The following KLC3 variants were observed in gnomAD, a reference collection of about 807,000 sequenced individuals.
KLC3 encodes the protein kinesin light chain 2.
Under a neutral mutation model 62.9 loss-of-function variants are expected in KLC3, and 72 were observed. That is an observed-to-expected ratio of 1.15 (90% CI 0.95 to 1.39). The LOEUF is 1.39. KLC3 is among the 40% of genes most tolerant of loss of function. The pLI is 0.00. For synonymous variants in KLC3, 377 were observed against 300.5 expected, an observed-to-expected ratio of 1.25 and a Z score of -2.63; for missense variants, 848 against 691.6, an observed-to-expected ratio of 1.23 and a Z score of -2.54.
At chr19:45,346,070 G>A (rs563944154) in intron 2 of KLC3, among the ~76,000 whole-genome samples, 2 of 152,328 alleles carry the variant, frequency 1.3e-5, no homozygotes, top group South Asian at 2.1e-4. Context: ...GCTGAGGCAT[G>A]AGAATCGCTT....
chr19:45,341,586 C>CGCGT (rs1555772523), intron 1 of KLC3, among the ~76,000 whole-genome samples: 1 of 114,528 alleles, frequency 8.7e-6, no homozygotes, highest in Non-Finnish European at 1.9e-5. Context: ...TGTGCGCGCG[C>CGCGT]GCGTGTGGTG....
intron 1 of KLC3, among the ~76,000 whole-genome samples, chr19:45,344,125 C>A (rs976883333): frequency 9.9e-5 from 15 of 151,006 alleles, no homozygotes; most frequent in African/African-American, 3.7e-4. Flanking sequence ...AGCCACCGCA[C>A]CCGGCCTACA....
chr19:45,350,768 C>T (rs755845095), intron 11 of KLC3, 21 bp downstream of exon 11: 3 of 1,594,170 alleles, frequency 1.9e-6, no homozygotes, highest in East Asian at 4.5e-5. Flanking sequence ...ATCAGGTCGG[C>T]AAAGAGCCCT....
At position 45,350,745 on chromosome 19, in the gene KLC3, C is replaced by T. The variant is rs200512408; in HGVS notation, c.1377C>T (p.Ala459=). The T allele has an allele frequency of 4.3e-5, 69 of 1,609,618 alleles. No homozygotes were observed. The highest frequency in any genetic ancestry group is 3.5e-4 in the Admixed American group (21 of 59,192). ...RLRGEAAAGA[A]GMKRAMSLNT... is the part of the protein sequence containing the mutation. ...GAGGCGAGGCGGCGGCAGGAGCAGC[C>T]GGGTGAGTGTTGATCAGGTCGGCAA... Residue 459 remains alanine, a splice_region_variant and synonymous_variant, in exon 11 of 13, where the codon GCC becomes GCT. Coordinates refer to ENST00000391946, the MANE Select transcript of KLC3 (RefSeq NM_177417.3).
Position 45,350,991 on chromosome 19 carries a change from G to T in KLC3, c.1417G>T (p.Asp473Tyr), listed in dbSNP as rs1391316277. 5 of 1,614,166 alleles carry T rather than the reference G, an allele frequency of 3.1e-6. No individual in the cohort carries two copies. Among genetic ancestry groups the T allele is most frequent in the Non-Finnish European group, 3.4e-6 (4 of 1,180,028 alleles). ...CATGTCACTCAACACACTGAACGTGGATGCTCCAAGGGCTCCTGGGACTCA... is the reference window on the plus strand; with the variant it reads ...CATGTCACTCAACACACTGAACGTGTATGCTCCAAGGGCTCCTGGGACTCA... Reference protein sequence around the residue: ...RAMSLNTLNVDAPRAPGTQFP... With the variant: ...RAMSLNTLNVYAPRAPGTQFP... Residue 473 changes from aspartate (D) to tyrosine (Y), a missense_variant, in exon 12 of 13, where the codon GAT becomes TAT. Transcript: ENST00000391946.
chr19:45,342,195 G>A (rs528082202), intron 1 of KLC3, among the ~76,000 whole-genome samples: 3 of 152,080 alleles, frequency 2.0e-5, no homozygotes, highest in Non-Finnish European at 2.9e-5. Context: ...AATGGTTGTG[G>A]TTGTCAGGAT....
Position 45,347,987 on chromosome 19 carries a change from G to A in KLC3, c.606G>A (p.Glu202=), listed in dbSNP as rs760975122. The A allele has an allele frequency of 1.9e-6, 3 of 1,609,516 alleles. No individual in the cohort carries two copies. Among genetic ancestry groups the A allele is most frequent in the South Asian group, 1.1e-5 (1 of 89,860 alleles). ...CAGCTGCTCAGCAGGGTGGCTATGA[G>A]ATCCCTGCCCGCCTTCGGACCCTGC... ...GAAAAQQGGY[E]IPARLRTLHN... Residue 202 remains glutamate, a synonymous_variant, in exon 5 of 13, where the codon GAG becomes GAA. Coordinates refer to ENST00000391946, the MANE Select transcript of KLC3 (RefSeq NM_177417.3).
chr19:45,350,479 G>C, intron 9 of KLC3, 35 bp from the exon 10 acceptor site: 1 of 1,613,508 alleles, frequency 6.2e-7, no homozygotes, highest in Non-Finnish European at 8.5e-7. Context: ...GCTTCTCTAT[G>C]TCCCCATCTC....
In KLC3 at chr19:45,344,128, G is replaced by A. The variant is rs941222552; in HGVS notation, c.-8-1406G>A. Among the ~76,000 whole-genome samples the A allele has an allele frequency of 5.3e-5, 8 of 149,838 alleles. No homozygotes were observed. In the South Asian group the frequency reaches 1.1e-3, roughly 20 times the overall value. ...AGTACAGGTGTGAGCCACCGCACCC[G>A]GCCTACATTGTGTTTCTAATGAGGG... is the stretch of plus-strand genomic sequence containing the variant. On this transcript the variant is annotated intron_variant, in intron 1 of 12. Coordinates refer to ENST00000391946, the MANE Select transcript of KLC3 (RefSeq NM_177417.3).
chr19:45,348,568 A>C, intron 5 of KLC3, 78 bp from the exon 6 acceptor site: 1 of 1,390,654 alleles, frequency 7.2e-7, no homozygotes, highest in Non-Finnish European at 1.0e-6. Flanking sequence ...TGGGCCTGTC[A>C]GGATTGGCCC....
intron 1 of KLC3, among the ~76,000 whole-genome samples, chr19:45,341,586 C>CGTGCGT (rs1555772522): frequency 1.7e-5 from 2 of 114,528 alleles, no homozygotes; most frequent in Admixed American, 1.7e-4. Flanking sequence ...TGTGCGCGCG[C>CGTGCGT]GCGTGTGGTG....
Position 45,345,661 on chromosome 19 carries a change from G to A in KLC3, c.120G>A (p.Glu40=). ...AGGGGCTGGAGGCGCTGCGGGCAGA[G>A]CACCATGGCCTGGCTGGGCACCTGG... The part of the protein sequence containing the change: ...VVQGLEALRA[E]HHGLAGHLAE... Residue 40 remains glutamate (E), a synonymous_variant, in exon 2 of 13, where the codon GAG becomes GAA. Transcript: ENST00000391946. The A allele has an allele frequency of 6.3e-7, 1 of 1,583,116 alleles. No individual in the cohort carries two copies. Among genetic ancestry groups the A allele is most frequent in the African/African-American group, 1.3e-5 (1 of 74,634 alleles).
intron 1 of KLC3, among the ~76,000 whole-genome samples, chr19:45,343,650 A>G (rs1025712457): frequency 6.6e-6 from 1 of 151,962 alleles, no homozygotes; most frequent in African/African-American, 2.4e-5. Flanking sequence ...TTTTATTTCT[A>G]AGAGAATATA....
At chr19:45,350,060 C>T (rs562840303) in intron 8 of KLC3, 23 of 478,922 alleles carry the variant, frequency 4.8e-5, no homozygotes, top group South Asian at 2.6e-4. Context: ...GAAGTAAGGC[C>T]GAGCTCCAAA....
Position 45,350,362 on chromosome 19 carries a change from A to G in KLC3, c.1165A>G (p.Asn389Asp). 4.3e-6 allele frequency: 7 copies of G among 1,613,706 alleles called. No homozygotes were observed. Among genetic ancestry groups the G allele is most frequent in the Non-Finnish European group, 5.9e-6 (7 of 1,179,930 alleles). Residue 389 changes from asparagine (N) to aspartate (D), a missense_variant, in exon 9 of 13, where the codon AAC (asparagine) becomes GAC (aspartate). Transcript: ENST00000391946. ...NNLASAYLKQ[N>D]KYQQAEELYK... ...GCAGGCCTCAGCCTACCTGAAACAG[A>G]ACAAGTATCAACAAGCGGAAGAGCT...
intron 12 of KLC3, 112 bp from the exon 13 acceptor site, chr19:45,351,174 G>T: frequency 6.3e-7 from 1 of 1,586,732 alleles, no homozygotes; most frequent in Non-Finnish European, 8.6e-7. Flanking sequence ...TTTACTTGGG[G>T]TAGAGGCGAG....
Position 45,350,370 on chromosome 19 carries a change from TCAA to T in KLC3, c.1177_1179del (p.Gln393del), listed in dbSNP as rs1038879967. ...CAGCCTACCTGAAACAGAACAAGTA[TCAA>T]CAAGCGGAAGAGCTGTACAAAGAAA... On this transcript the variant is annotated inframe_deletion, in exon 9 of 13. Coordinates refer to ENST00000391946, the MANE Select transcript of KLC3 (RefSeq NM_177417.3). 12 of 1,612,270 alleles carry T rather than the reference TCAA, an allele frequency of 7.4e-6. No individual in the cohort carries two copies. Among genetic ancestry groups the T allele is most frequent in the Non-Finnish European group, 8.5e-6 (10 of 1,179,792 alleles).
intron 1 of KLC3, chr19:45,345,137 G>A (rs183439800): frequency 4.1e-4 from 137 of 336,616 alleles, no homozygotes; most frequent in African/African-American, 2.6e-3. Context: ...CAGGTCACAC[G>A]GCCAACCGGG....
rs1348356887 is a variant in KLC3 at position 45,349,834 on chromosome 19, A to G, written c.1143+232A>G. The G allele has an allele frequency of 1.3e-5, 7 of 539,848 alleles. 1 individual carries two copies. The highest frequency in any genetic ancestry group is 2.3e-5 in the Non-Finnish European group (7 of 306,844). The allele number at this position is 539,848 out of a possible 1,614,324, so 33.4% of individuals were successfully genotyped here. ...CAGTGAAGCGGAAGCTGGCAGGCAC[A>G]GGTGGCAGCAGCAGACATTTATTGA... On this transcript the variant is annotated intron_variant, in intron 8 of 12. Coordinates refer to ENST00000391946, the MANE Select transcript of KLC3 (RefSeq NM_177417.3).
Sources: allele counts gnomAD v4.1 joint callset (sites outside exome capture counted in the v4.1 genomes callset), GRCh38; gene constraint gnomAD v4.1.1; transcripts MANE v1.5; gene names NCBI Gene and HGNC (gene_info 2026-07-23, HGNC 2026-07-21).